BIRC6: variants seen among roughly 807,000 people sequenced by gnomAD.
BIRC6 encodes the protein dual E2 ubiquitin-conjugating enzyme/E3 ubiquitin-protein ligase BIRC6.
Under a neutral mutation model 503.3 loss-of-function variants are expected in BIRC6, and 98 were observed. That is an observed-to-expected ratio of 0.19 (90% CI 0.17 to 0.23). BIRC6 has a LOEUF of 0.23. Among genes scored for constraint, BIRC6 ranks in the 10% least tolerant of loss-of-function variants. The pLI is 1.00. For missense variants in BIRC6, 5,360 were observed against 5,806.0 expected, an observed-to-expected ratio of 0.92 and a Z score of 2.50; for synonymous variants, 2,240 against 2,078.7, an observed-to-expected ratio of 1.08 and a Z score of -2.11.
At position 32,509,723 on chromosome 2, in the gene BIRC6, A is replaced by T; in HGVS notation, c.9981-15A>T. ...GCGACTTATATTGATCATACAAGTC[A>T]TTTTGTATTTTCAGTATTGGATGGT... On this transcript the variant is annotated splice_polypyrimidine_tract_variant and intron_variant, in intron 51 of 73. Coordinates refer to ENST00000421745, the MANE Select transcript of BIRC6 (RefSeq NM_016252.4). The T allele has an allele frequency of 6.2e-7, 1 of 1,613,494 alleles. No individual in the cohort carries two copies. Among genetic ancestry groups the T allele is most frequent in the African/African-American group, 1.3e-5 (1 of 75,050 alleles).
intron 35 of BIRC6, 112 bp from the exon 36 acceptor site, chr2:32,478,523 C>A: frequency 1.2e-6 from 1 of 856,854 alleles, no homozygotes; most frequent in Non-Finnish European, 1.7e-6. Flanking sequence ...CAGACTCATA[C>A]ATCATTGTTG....
intron 64 of BIRC6, among the ~76,000 whole-genome samples, chr2:32,548,365 C>CTTTTTTT (rs1202755440): frequency 2.7e-5 from 2 of 73,364 alleles, no homozygotes; most frequent in African/African-American, 1.1e-4. Context: ...TGGTTGCTTA[C>CTTTTTTT]TTTTTTTTTT....
chr2:32,375,463 G>A (rs773460681), intron 1 of BIRC6, among the ~76,000 whole-genome samples: 2 of 151,884 alleles, frequency 1.3e-5, no homozygotes, highest in South Asian at 2.1e-4. Context: ...GCAACGTAAC[G>A]AGACCCTGTC....
At chr2:32,493,805 A>G (rs919462561) in intron 45 of BIRC6, 138 bp downstream of exon 45, 9 of 648,940 alleles carry the variant, frequency 1.4e-5, no homozygotes, top group Non-Finnish European at 2.3e-5. Context: ...GGGGAAGGAT[A>G]TATTGGTGTG....
chr2:32,479,790 C>T (rs1166729144), intron 37 of BIRC6, among the ~76,000 whole-genome samples, 173 bp downstream of exon 37: 1 of 152,096 alleles, frequency 6.6e-6, no homozygotes, highest in Admixed American at 6.6e-5. Context: ...GTTCTCATTA[C>T]AACAAAATGC....
chr2:32,606,867 C>T (rs751106667), intron 71 of BIRC6, among the ~76,000 whole-genome samples: 2 of 151,802 alleles, frequency 1.3e-5, no homozygotes, highest in South Asian at 2.1e-4. Flanking sequence ...ATTAGTCTGG[C>T]GTGGTGGCAG....
intron 66 of BIRC6, among the ~76,000 whole-genome samples, chr2:32,586,266 T>C (rs530581775): frequency 6.6e-6 from 1 of 150,672 alleles, no homozygotes; most frequent in Non-Finnish European, 1.5e-5. Flanking sequence ...AAAAAACAAC[T>C]TAAAAAAAAA....
At chr2:32,392,703 G>C (rs774583032) in intron 5 of BIRC6, among the ~76,000 whole-genome samples, 24 of 152,114 alleles carry the variant, frequency 1.6e-4, no homozygotes, top group Non-Finnish European at 8.8e-5. Flanking sequence ...ACTCACTTCA[G>C]TCTCAACCTT....
In BIRC6 at chr2:32,545,668, C is replaced by T. The variant is rs1465932833; in HGVS notation, c.12618C>T (p.Ala4206=). 1 of 1,613,566 alleles carries T rather than the reference C, an allele frequency of 6.2e-7. No homozygotes were observed. Among genetic ancestry groups the T allele is most frequent in the Non-Finnish European group, 8.5e-7 (1 of 1,179,662 alleles). ...GTCATATTCTTCAATCTCCATCAGC[C>T]AATGTGCTTCCAACCCTTCCTTTCC... ...EGSHILQSPS[A]NVLPTLPFHV... is the part of the protein sequence containing the mutation. The change falls in exon 63 of 74, where the codon GCC becomes GCT. Residue 4206 remains alanine, a synonymous_variant. Coordinates refer to ENST00000421745, the MANE Select transcript of BIRC6 (RefSeq NM_016252.4).
At chr2:32,550,484 A>G (rs1179596931) in intron 65 of BIRC6, among the ~76,000 whole-genome samples, 1 of 152,098 alleles carries the variant, frequency 6.6e-6, no homozygotes, top group Non-Finnish European at 1.5e-5. Context: ...GATACATCAG[A>G]CTGGTCTTTT....
intron 15 of BIRC6, among the ~76,000 whole-genome samples, chr2:32,437,358 A>T (rs1431685865): frequency 6.6e-6 from 1 of 152,032 alleles, no homozygotes; most frequent in African/African-American, 2.4e-5. Flanking sequence ...GGGGGTAAAT[A>T]AAAAAAACCA....
rs779931305 is a variant in BIRC6, at chr2:32,617,755, C to G, written c.14425C>G (p.Leu4809Val). ...CACTGCTCAGCTCCGCGAAGAGTTG[C>G]TGAAACTTCCCTGCCCTGAAGGCTT... ...RHTAQLREEL[L>V]KLPCPEGLDP... The change falls in exon 74 of 74, where the codon CTG becomes GTG. Residue 4809 changes from leucine (L) to valine (V), a missense_variant. Transcript: ENST00000421745. 1 of 1,614,000 alleles carries G rather than the reference C, an allele frequency of 6.2e-7. No individual in the cohort carries two copies. Among genetic ancestry groups the G allele is most frequent in the Non-Finnish European group, 8.5e-7 (1 of 1,179,882 alleles).
At chr2:32,447,163 G>A (rs754502238) in intron 21 of BIRC6, among the ~76,000 whole-genome samples, 213 of 150,062 alleles carry the variant, frequency 1.4e-3, no homozygotes, top group African/African-American at 4.8e-3. Context: ...TATCCACACA[G>A]ACCCGGCAAC....
At chr2:32,414,219 G>T (rs1353964005) in intron 9 of BIRC6, among the ~76,000 whole-genome samples, 1 of 152,174 alleles carries the variant, frequency 6.6e-6, no homozygotes, top group Non-Finnish European at 1.5e-5. Context: ...GGAGGTTTTG[G>T]TGAGCTGAGA....
intron 14 of BIRC6, 139 bp downstream of exon 14, chr2:32,435,724 T>C: frequency 2.2e-6 from 2 of 925,256 alleles, no homozygotes; most frequent in Non-Finnish European, 1.5e-6. Flanking sequence ...ATAATTCTGC[T>C]TTGGCAATAT....
chr2:32,446,752 T>G (rs1005970838), intron 21 of BIRC6, among the ~76,000 whole-genome samples: 63 of 131,786 alleles, frequency 4.8e-4, no homozygotes, highest in Non-Finnish European at 5.9e-4. Context: ...TTTTTTTTTT[T>G]TTTTTTTTTT....
chr2:32,487,859 T>G (rs1301179078), intron 41 of BIRC6, 58 bp downstream of exon 41: 4 of 1,418,380 alleles, frequency 2.8e-6, no homozygotes, highest in Non-Finnish European at 2.9e-6. Flanking sequence ...TGGTAAAAGA[T>G]GAAACTAATT....
At chr2:32,512,653 G>A (rs988227039) in intron 53 of BIRC6, among the ~76,000 whole-genome samples, 18 of 152,206 alleles carry the variant, frequency 1.2e-4, no homozygotes, top group Admixed American at 1.2e-3. Flanking sequence ...ATGAGACTTT[G>A]CACAATGAAG....
chr2:32,498,979 A>G (rs183041633), intron 45 of BIRC6, among the ~76,000 whole-genome samples: 1 of 152,200 alleles, frequency 6.6e-6, no homozygotes, highest in Admixed American at 6.5e-5. Context: ...GGGGCTCCCA[A>G]AGTGATGGGA....
Sources: allele counts gnomAD v4.1 joint callset (sites outside exome capture counted in the v4.1 genomes callset), GRCh38; gene constraint gnomAD v4.1.1; transcripts MANE v1.5; gene names NCBI Gene and HGNC (gene_info 2026-07-23, HGNC 2026-07-21).